NUDT19: variants seen among roughly 807,000 people sequenced by gnomAD.
The protein encoded by NUDT19 is nudix hydrolase 19, also known as acyl-coenzyme A diphosphatase NUDT19.
A neutral mutation model predicts 22.2 loss-of-function variants in NUDT19; 31 were observed. The ratio of observed to expected loss-of-function variants is 1.40; its 90% CI spans 1.05 to 1.89. The LOEUF (loss-of-function observed/expected upper bound fraction) is 1.89, where lower values mean the gene tolerates loss of function less well. Among genes scored for constraint, NUDT19 ranks in the 40% most tolerant of loss-of-function variants. The pLI is 0.00. For synonymous variants in NUDT19, 325 were observed against 230.8 expected, an observed-to-expected ratio of 1.41 and a Z score of -3.70; for missense variants, 752 against 514.2, an observed-to-expected ratio of 1.46 and a Z score of -4.47.
Position 32,692,356 on chromosome 19 carries a change from C to T in NUDT19, c.396C>T (p.Ala132=). ...VAFRICAVRE[A]FEEAGVLLLR... is the part of the protein sequence containing the mutation. ...TCCGCATCTGCGCCGTGCGGGAGGC[C>T]TTTGAGGAGGCGGGCGTGCTGCTGC... Residue 132 remains alanine, a synonymous_variant, in exon 1 of 3, where the codon GCC becomes GCT. Transcript: ENST00000397061. 3 of 1,590,518 alleles carry T rather than the reference C, an allele frequency of 1.9e-6. No homozygotes were observed. The highest frequency in any genetic ancestry group is 2.3e-5 in the East Asian group (1 of 43,930).
At chr19:32,711,655 TA>T (rs1968448625) in intron 2 of NUDT19, 96 bp from the exon 3 acceptor site, 1 of 708,688 alleles carries the variant, frequency 1.4e-6, no homozygotes, top group Non-Finnish European at 2.4e-6. Flanking sequence ...GAGTGATTTA[TA>T]AAATAATACT....
chr19:32,706,853 G>T (rs1477270198), intron 1 of NUDT19, among the ~76,000 whole-genome samples: 1 of 152,164 alleles, frequency 6.6e-6, no homozygotes. Context: ...TCTTGCATAA[G>T]GGGAGACTAC....
At position 32,692,551 on chromosome 19, in the gene NUDT19, G is replaced by T; in HGVS notation, c.591G>T (p.Trp197Cys). The change falls in exon 1 of 3, where the codon TGG (tryptophan) becomes TGT (cysteine). Residue 197 changes from tryptophan (W) to cysteine (C), a missense_variant. By Grantham distance (215) the Trp-to-Cys change is radical. Transcript: ENST00000397061. ...CCGACATCTGGGCGCTGCACAACTGGAGCGCCTGGCTCACCCCTTTCTTGC... is the reference window on the plus strand; with the variant it reads ...CCGACATCTGGGCGCTGCACAACTGTAGCGCCTGGCTCACCCCTTTCTTGC... ...CTPDIWALHNWSAWLTPFLRG... is the reference protein window; with the variant it reads ...CTPDIWALHNCSAWLTPFLRG... 1 of 1,596,960 alleles carries T rather than the reference G, an allele frequency of 6.3e-7. No individual in the cohort carries two copies. The highest frequency in any genetic ancestry group is 2.3e-5 in the East Asian group (1 of 43,598).
In NUDT19 at chr19:32,692,366, G is replaced by A. The variant is rs1474679546; in HGVS notation, c.406G>A (p.Ala136Thr). The A allele has an allele frequency of 8.8e-6, 14 of 1,589,630 alleles. No individual in the cohort carries two copies. Among genetic ancestry groups the A allele is most frequent in the African/African-American group, 1.4e-5 (1 of 73,288 alleles). Residue 136 changes from alanine (A) to threonine (T), a missense_variant, in exon 1 of 3, where the codon GCG becomes ACG. Coordinates refer to ENST00000397061, the MANE Select transcript of NUDT19 (RefSeq NM_001105570.2). ...CGCCGTGCGGGAGGCCTTTGAGGAGGCGGGCGTGCTGCTGCTGCGGCCCAG... is the reference window on the plus strand; with the variant it reads ...CGCCGTGCGGGAGGCCTTTGAGGAGACGGGCGTGCTGCTGCTGCGGCCCAG... ...ICAVREAFEE[A>T]GVLLLRPRTS...
In NUDT19 at chr19:32,712,085, T is replaced by C; in HGVS notation, c.*128T>C. On this transcript the variant is annotated 3_prime_UTR_variant, in exon 3 of 3. Transcript: ENST00000397061. ...GTTACTGCAATTCAGTATTTCTTTA[T>C]TTTTTTCGAGACAGAGTCTCAATCT... 1.4e-6 allele frequency: 1 copy of C among 698,362 alleles called. No homozygotes were observed. The highest frequency in any genetic ancestry group is 1.8e-5 in the South Asian group (1 of 57,058). The allele number at this position is 698,362 out of a possible 1,614,324, so 43.3% of individuals were successfully genotyped here.
chr19:32,706,477 A>G (rs974238740), intron 1 of NUDT19, among the ~76,000 whole-genome samples: 1 of 152,176 alleles, frequency 6.6e-6, no homozygotes, highest in African/African-American at 2.4e-5. Flanking sequence ...TGAGGTCGGG[A>G]GTTCGAGACC....
intron 1 of NUDT19, among the ~76,000 whole-genome samples, chr19:32,696,226 G>A (rs1264055213): frequency 6.6e-6 from 1 of 152,194 alleles, no homozygotes; most frequent in Non-Finnish European, 1.5e-5. Flanking sequence ...TTTTCTGATA[G>A]CCATAAACTT....
At chr19:32,699,183 GT>G (rs1215625417) in intron 1 of NUDT19, among the ~76,000 whole-genome samples, 1 of 152,170 alleles carries the variant, frequency 6.6e-6, no homozygotes, top group East Asian at 1.9e-4. Context: ...GAGTCCTGAA[GT>G]TTATCCTAGA....
chr19:32,697,475 A>G (rs1968278051), intron 1 of NUDT19, among the ~76,000 whole-genome samples: 2 of 152,200 alleles, frequency 1.3e-5, no homozygotes, highest in Admixed American at 1.3e-4. Flanking sequence ...TATGGTGGAC[A>G]TCATTGAATA....
intron 1 of NUDT19, 64 bp from the exon 2 acceptor site, chr19:32,709,121 C>A: frequency 9.2e-7 from 1 of 1,091,898 alleles, no homozygotes; most frequent in Non-Finnish European, 1.4e-6. Flanking sequence ...ACTGGTCTGA[C>A]TGTCTCAAGT....
At position 32,713,509 on chromosome 19, in the gene NUDT19, T is replaced by C. The variant is rs1968470285; in HGVS notation, c.*1552T>C. 1 of 152,184 alleles carries C rather than the reference T, an allele frequency of 6.6e-6. No homozygotes were observed. Among genetic ancestry groups the C allele is most frequent in the Non-Finnish European group, 1.5e-5 (1 of 68,036 alleles). The allele number at this position is 152,184 out of a possible 1,614,324, so 9.4% of individuals were successfully genotyped here. A position where few individuals can be genotyped will look rare whatever the true frequency, so the allele number is the denominator to read the frequency against. ...AAAGCCATAACAAAAACCATCATTGTTTGTATTCCACACTGTTAATGAATG... is the reference window on the plus strand; with the variant it reads ...AAAGCCATAACAAAAACCATCATTGCTTGTATTCCACACTGTTAATGAATG... On this transcript the variant is annotated 3_prime_UTR_variant, in exon 3 of 3. Transcript: ENST00000397061.
intron 1 of NUDT19, among the ~76,000 whole-genome samples, chr19:32,704,898 G>A (rs79221112): frequency 0.05 from 7,590 of 151,742 alleles, 318 homozygotes; most frequent in South Asian, 0.12. Context: ...CCTGAGGTCA[G>A]AAGTTCTAGA....
At chr19:32,707,150 T>C (rs1968395127) in intron 1 of NUDT19, among the ~76,000 whole-genome samples, 1 of 152,208 alleles carries the variant, frequency 6.6e-6, no homozygotes, top group African/African-American at 2.4e-5. Flanking sequence ...TTGTAACCTG[T>C]GGTCTGGACT....
chr19:32,692,762 G>A (rs544231177), intron 1 of NUDT19, 88 bp downstream of exon 1: 217 of 1,004,586 alleles, frequency 2.2e-4, no homozygotes, highest in Non-Finnish European at 2.9e-4. Context: ...AGGGACCCCC[G>A]CATAGGCCAA....
At chr19:32,698,047 G>A (rs1968286056) in intron 1 of NUDT19, among the ~76,000 whole-genome samples, 1 of 152,170 alleles carries the variant, frequency 6.6e-6, no homozygotes, top group Admixed American at 6.5e-5. Context: ...AATAGGAAGG[G>A]GAGCTATAGG....
chr19:32,702,267 A>G (rs1025327327), intron 1 of NUDT19, among the ~76,000 whole-genome samples: 2 of 152,222 alleles, frequency 1.3e-5, no homozygotes, highest in African/African-American at 4.8e-5. Context: ...ATAGAAAGCA[A>G]TTAAGCACCT....
chr19:32,701,880 A>T (rs1258386921), intron 1 of NUDT19, among the ~76,000 whole-genome samples: 1 of 152,168 alleles, frequency 6.6e-6, no homozygotes, highest in African/African-American at 2.4e-5. Flanking sequence ...GGCTGGGTGC[A>T]GTGGCTTACA....
chr19:32,704,407 G>A (rs890613200), intron 1 of NUDT19, among the ~76,000 whole-genome samples: 50 of 151,690 alleles, frequency 3.3e-4, no homozygotes, highest in African/African-American at 9.7e-4. Flanking sequence ...GATTACAGGC[G>A]CATGCCACCA....
At chr19:32,703,426 A>C (rs982820392) in intron 1 of NUDT19, among the ~76,000 whole-genome samples, 1 of 150,460 alleles carries the variant, frequency 6.6e-6, no homozygotes, top group African/African-American at 2.4e-5. Flanking sequence ...TCAGCTCACC[A>C]CAGCCTCTGC....
Sources: allele counts gnomAD v4.1 joint callset (sites outside exome capture counted in the v4.1 genomes callset), GRCh38; gene constraint gnomAD v4.1.1; transcripts MANE v1.5; gene names NCBI Gene and HGNC (gene_info 2026-07-23, HGNC 2026-07-21).